Variants in ARHGEF28 observed in about 807,000 individuals in gnomAD.
The protein encoded by ARHGEF28 is Rho guanine nucleotide exchange factor 28, also known as 190 kDa guanine nucleotide exchange factor.
A neutral mutation model predicts 206.6 loss-of-function variants in ARHGEF28; 152 were observed. The observed-to-expected ratio is 0.74, with a 90% CI of 0.64 to 0.84. ARHGEF28 has a LOEUF of 0.84. Among genes scored for constraint, ARHGEF28 ranks in the 40% least tolerant of loss-of-function variants. The probability of loss-of-function intolerance (pLI) is 0.00; values close to 1 mark genes in which losing one functional copy is unlikely to be tolerated. For synonymous variants in ARHGEF28, 763 were observed against 776.4 expected (o/e 0.98, Z 0.29); for missense variants, 2,028 against 2,073.2 (o/e 0.98, Z 0.42).
At chr5:73,730,041 G>A (rs1238930219) in intron 2 of ARHGEF28, among the ~76,000 whole-genome samples, 3 of 152,188 alleles carry the variant, frequency 2.0e-5, no homozygotes, top group Non-Finnish European at 4.4e-5. Flanking sequence ...GAGTTATTCA[G>A]TGAATATATC....
intron 34 of ARHGEF28, among the ~76,000 whole-genome samples, chr5:73,910,261 A>T (rs1762814221): frequency 6.6e-6 from 1 of 151,136 alleles, no homozygotes; most frequent in South Asian, 2.1e-4. Flanking sequence ...GGCCTCTGTA[A>T]TCCCAGCTAC....
Position 73,636,083 on chromosome 5 carries a change from C to G in ARHGEF28, c.-12+9761C>G, listed in dbSNP as rs114890873. On this transcript the variant is annotated intron_variant, in intron 1 of 35. Coordinates refer to ENST00000513042, the MANE Select transcript of ARHGEF28 (RefSeq NM_001177693.2). ...CCTTGATGTTTAGTTAGAAAAGTTC[C>G]AACTTGGACAGAAATTTGTTTATTA... is the stretch of plus-strand genomic sequence containing the variant. Among the ~76,000 whole-genome samples the G allele has an allele frequency of 9.1e-3, 1,391 of 152,178 alleles. 7 individuals are homozygous for G. Among genetic ancestry groups the G allele is most frequent in the Non-Finnish European group, 0.015 (1,007 of 68,010 alleles).
At chr5:73,877,357 C>G (rs1404366900) in intron 22 of ARHGEF28, among the ~76,000 whole-genome samples, 1 of 149,462 alleles carries the variant, frequency 6.7e-6, no homozygotes, top group East Asian at 1.9e-4. Context: ...TTTTGTTGAT[C>G]CTTTCAAAAA....
intron 2 of ARHGEF28, among the ~76,000 whole-genome samples, chr5:73,720,742 C>T (rs1247062813): frequency 6.6e-6 from 1 of 152,164 alleles, no homozygotes; most frequent in African/African-American, 2.4e-5. Context: ...TATTGTTCTT[C>T]CTGCTGACCG....
At chr5:73,697,134 G>A (rs1385392424) in intron 2 of ARHGEF28, among the ~76,000 whole-genome samples, 2 of 152,124 alleles carry the variant, frequency 1.3e-5, no homozygotes, top group East Asian at 3.8e-4. Flanking sequence ...GACAATTCCT[G>A]GCTGAGAACT....
intron 6 of ARHGEF28, among the ~76,000 whole-genome samples, chr5:73,780,117 T>TC (rs1190117222): frequency 4.6e-5 from 7 of 152,198 alleles, no homozygotes; most frequent in Admixed American, 2.6e-4. Flanking sequence ...AAAAGGAAAT[T>TC]CGGATGGTCC....
At chr5:73,740,458 C>T (rs555015063) in intron 2 of ARHGEF28, among the ~76,000 whole-genome samples, 2 of 152,230 alleles carry the variant, frequency 1.3e-5, no homozygotes, top group African/African-American at 2.4e-5. Context: ...CAATCCTTGT[C>T]GTCTTTGGAT....
chr5:73,660,723 C>G (rs1247089834), intron 1 of ARHGEF28, among the ~76,000 whole-genome samples: 1 of 152,194 alleles, frequency 6.6e-6, no homozygotes, highest in Non-Finnish European at 1.5e-5. Flanking sequence ...CATCAGAGCT[C>G]TTGGGTTACC....
At position 73,684,889 on chromosome 5, in the gene ARHGEF28, G is replaced by C. The variant is rs1333949230; in HGVS notation, c.33+5G>C. 1.2e-6 allele frequency: 2 copies of C among 1,612,120 alleles called. No individual in the cohort carries two copies. The highest frequency in any genetic ancestry group is 1.7e-6 in the Non-Finnish European group (2 of 1,178,874). ...TGCAGCGAAGCACCTCTTTACGTAA[G>C]TTGCTAAGCACGGGGCTTCAGGTCC... is the stretch of plus-strand genomic sequence containing the variant. On this transcript the variant is annotated splice_donor_5th_base_variant and intron_variant, in intron 2 of 35. Coordinates refer to ENST00000513042, the MANE Select transcript of ARHGEF28 (RefSeq NM_001177693.2).
chr5:73,858,322 C>T (rs1759180981), intron 16 of ARHGEF28, 103 bp downstream of exon 16: 2 of 1,379,924 alleles, frequency 1.4e-6, no homozygotes, highest in Non-Finnish European at 1.9e-6. Flanking sequence ...CTTTTCAGTG[C>T]CACACATATG....
intron 11 of ARHGEF28, 39 bp downstream of exon 11, chr5:73,840,799 A>G: frequency 6.4e-7 from 1 of 1,563,122 alleles, no homozygotes; most frequent in Non-Finnish European, 8.7e-7. Context: ...GTAGAACATC[A>G]AAGAACCTTA....
intron 9 of ARHGEF28, among the ~76,000 whole-genome samples, chr5:73,820,844 C>T (rs1756539752): frequency 6.6e-6 from 1 of 152,112 alleles, no homozygotes; most frequent in Non-Finnish European, 1.5e-5. Context: ...GAAGCTGAGC[C>T]TGGCCCTGCT....
chr5:73,910,381 C>CAAA (rs60086897), intron 34 of ARHGEF28, among the ~76,000 whole-genome samples: 8,106 of 30,946 alleles, frequency 0.26, 1,144 homozygotes, highest in African/African-American at 0.3. Flanking sequence ...AACACCATCT[C>CAAA]AAAAAAAAAA....
At chr5:73,652,174 C>G (rs1744878346) in intron 1 of ARHGEF28, among the ~76,000 whole-genome samples, 1 of 152,130 alleles carries the variant, frequency 6.6e-6, no homozygotes, top group African/African-American at 2.4e-5. Flanking sequence ...ACAATATGAT[C>G]TCTTCCCTCA....
At chr5:73,700,821 A>C (rs1472276121) in intron 2 of ARHGEF28, among the ~76,000 whole-genome samples, 2 of 152,216 alleles carry the variant, frequency 1.3e-5, no homozygotes, top group Non-Finnish European at 1.5e-5. Flanking sequence ...TAAAAAAATA[A>C]AGTCACCATA....
At chr5:73,700,942 CT>C (rs1164405890) in intron 2 of ARHGEF28, among the ~76,000 whole-genome samples, 2 of 152,154 alleles carry the variant, frequency 1.3e-5, no homozygotes, top group Non-Finnish European at 2.9e-5. Context: ...AGTTAAATAA[CT>C]TTTTCAGTGG....
At chr5:73,787,126 C>T (rs1754210226) in intron 7 of ARHGEF28, among the ~76,000 whole-genome samples, 1 of 152,136 alleles carries the variant, frequency 6.6e-6, no homozygotes, top group African/African-American at 2.4e-5. Flanking sequence ...AGAACTGTTG[C>T]AGATGGTTTA....
intron 2 of ARHGEF28, among the ~76,000 whole-genome samples, chr5:73,738,425 A>G (rs1470748753): frequency 1.3e-5 from 2 of 151,972 alleles, no homozygotes; most frequent in Non-Finnish European, 2.9e-5. Flanking sequence ...GATTCCCAGT[A>G]TCTTACAATG....
intron 2 of ARHGEF28, among the ~76,000 whole-genome samples, chr5:73,724,911 G>T (rs1034123991): frequency 3.3e-5 from 5 of 152,104 alleles, no homozygotes; most frequent in African/African-American, 1.2e-4. Context: ...ATAAATACCT[G>T]GGAGTAGAAT....
Sources: allele counts gnomAD v4.1 joint callset (sites outside exome capture counted in the v4.1 genomes callset), GRCh38; gene constraint gnomAD v4.1.1; transcripts MANE v1.5; gene names NCBI Gene and HGNC (gene_info 2026-07-23, HGNC 2026-07-21).